DEPTOR: variants seen among roughly 807,000 people sequenced by gnomAD.
DEPTOR encodes the protein DEP domain-containing mTOR-interacting protein.
In DEPTOR, 41 loss-of-function variants were observed where a neutral mutation model predicts 41.6. The observed-to-expected ratio is 0.98, with a 90% confidence interval of 0.77 to 1.28. The LOEUF (loss-of-function observed/expected upper bound fraction) is 1.28. Among genes scored for constraint, DEPTOR ranks in the 50% most tolerant of loss-of-function variants. The pLI, the probability that DEPTOR is intolerant of heterozygous loss-of-function variation, is 0.00. For missense variants in DEPTOR, 514 were observed against 527.9 expected (o/e 0.97, Z 0.26); for synonymous variants, 195 against 192.3 (o/e 1.01, Z -0.12).
At chr8:120,034,024 A>C (rs145263769) in intron 8 of DEPTOR, among the ~76,000 whole-genome samples, 1 of 152,172 alleles carries the variant, frequency 6.6e-6, no homozygotes, top group South Asian at 2.1e-4. Context: ...CCGAGGTCAC[A>C]CTATTGCACT....
intron 4 of DEPTOR, among the ~76,000 whole-genome samples, chr8:119,970,722 G>C (rs970056098): frequency 3.3e-5 from 5 of 152,146 alleles, no homozygotes; most frequent in Non-Finnish European, 7.4e-5. Flanking sequence ...TCGTGGCTAA[G>C]ATTTATTACA....
At chr8:119,898,604 G>T in intron 1 of DEPTOR, among the ~76,000 whole-genome samples, 1 of 151,904 alleles carries the variant, frequency 6.6e-6, no homozygotes, top group East Asian at 1.9e-4. Flanking sequence ...TGTGCCTGTG[G>T]TCCCAGCTGC....
At chr8:120,002,789 A>AT (rs1200601284) in intron 5 of DEPTOR, among the ~76,000 whole-genome samples, 188 bp from the exon 6 acceptor site, 26 of 59,240 alleles carry the variant, frequency 4.4e-4, no homozygotes, top group African/African-American at 1.9e-3. Flanking sequence ...AAAAAAAAAA[A>AT]AAATATATAT....
rs79083639 is a variant in DEPTOR, at chr8:119,937,184, G to A, written c.425+7246G>A. Among the ~76,000 whole-genome samples, 47 of 152,188 alleles carry A rather than the reference G, an allele frequency of 3.1e-4. No individual in the cohort carries two copies. In the East Asian group the frequency reaches 6.8e-3, roughly 22 times the overall value. On this transcript the variant is annotated intron_variant, in intron 3 of 8. Coordinates refer to ENST00000286234, the MANE Select transcript of DEPTOR (RefSeq NM_022783.4). ...TGGGAGGCCGAGGCAGGCGGATCACGAGGTCAGGAATTCAAGACTAGCCTG... is the reference window on the plus strand; with the variant it reads ...TGGGAGGCCGAGGCAGGCGGATCACAAGGTCAGGAATTCAAGACTAGCCTG...
chr8:119,927,537 G>C (rs1165916327), intron 1 of DEPTOR, among the ~76,000 whole-genome samples: 1 of 149,758 alleles, frequency 6.7e-6, no homozygotes, highest in Non-Finnish European at 1.5e-5. Context: ...ATGATGGCAA[G>C]ATTGGCTAGT....
chr8:120,046,465 T>G (rs1458040692), intron 8 of DEPTOR, among the ~76,000 whole-genome samples: 1 of 152,098 alleles, frequency 6.6e-6, no homozygotes, highest in African/African-American at 2.4e-5. Flanking sequence ...CTATGGTCTA[T>G]TCTGACTGGC....
intron 1 of DEPTOR, among the ~76,000 whole-genome samples, chr8:119,878,474 C>T (rs917701048): frequency 4.6e-5 from 7 of 151,932 alleles, no homozygotes; most frequent in African/African-American, 1.7e-4. Context: ...TGCGTGCCAC[C>T]ACACCCAGTT....
Position 120,049,613 on chromosome 8 carries a change from TC to T in DEPTOR, c.1141del (p.Leu381CysfsTer3). On this transcript the variant is annotated frameshift_variant, in exon 9 of 9. Transcript: ENST00000286234. LOFTEE classifies it high-confidence loss of function. The stretch of plus-strand genomic sequence containing the variant: ...GTCGTCTCTGTCAACGGGCTCAATG[TC>T]CTGCATGTAGACTACCGGACCGTGA... ...QFVVSVNGLN[V>X]LHVDYRTVSN... is the part of the protein sequence containing the mutation. 6.2e-7 allele frequency: 1 copy of T among 1,613,952 alleles called. No homozygotes were observed. The highest frequency in any genetic ancestry group is 1.1e-5 in the South Asian group (1 of 91,048).
At chr8:119,921,144 T>C (rs921504390) in intron 1 of DEPTOR, among the ~76,000 whole-genome samples, 3 of 152,062 alleles carry the variant, frequency 2.0e-5, no homozygotes, top group Non-Finnish European at 4.4e-5. Flanking sequence ...ACCCAGCTAA[T>C]TTTTGTATTT....
intron 8 of DEPTOR, among the ~76,000 whole-genome samples, chr8:120,019,917 GC>G (rs758651381): frequency 6.6e-6 from 1 of 151,980 alleles, no homozygotes; most frequent in Non-Finnish European, 1.5e-5. Flanking sequence ...CTAAGTCACT[GC>G]CACACTGCTC....
At chr8:119,963,426 C>T (rs572408759) in intron 3 of DEPTOR, among the ~76,000 whole-genome samples, 1 of 152,178 alleles carries the variant, frequency 6.6e-6, no homozygotes, top group East Asian at 1.9e-4. Flanking sequence ...ACTCGGCTCA[C>T]TGCAACCTCT....
At chr8:119,887,664 T>C (rs921642088) in intron 1 of DEPTOR, among the ~76,000 whole-genome samples, 1 of 151,118 alleles carries the variant, frequency 6.6e-6, no homozygotes, top group South Asian at 2.1e-4. Flanking sequence ...CACGCCCAGC[T>C]AATTTTTTCA....
Position 119,956,623 on chromosome 8 carries a change from T to C in DEPTOR, c.426-8609T>C, listed in dbSNP as rs189990649. ...GAACCAGGGATAAAGGCCAGGAGTC[T>C]GTGTCTGTGTCTTAAATGGAGACTA... On this transcript the variant is annotated intron_variant, in intron 3 of 8. Coordinates refer to ENST00000286234, the MANE Select transcript of DEPTOR (RefSeq NM_022783.4). Among the ~76,000 whole-genome samples the C allele has an allele frequency of 1.7e-4, 25 of 151,152 alleles. No individual in the cohort carries two copies. The South Asian group carries it at 2.5e-3, about 15-fold the overall frequency.
intron 1 of DEPTOR, among the ~76,000 whole-genome samples, chr8:119,894,662 C>T (rs1348360736): frequency 6.6e-6 from 1 of 151,908 alleles, no homozygotes; most frequent in East Asian, 1.9e-4. Flanking sequence ...TCCCAAAGTG[C>T]TAAGATTACA....
intron 3 of DEPTOR, among the ~76,000 whole-genome samples, chr8:119,964,643 T>G (rs1486875749): frequency 1.3e-5 from 2 of 151,516 alleles, no homozygotes; most frequent in Non-Finnish European, 2.9e-5. Context: ...TTCAGAATGG[T>G]AGAATAGAAC....
intron 8 of DEPTOR, among the ~76,000 whole-genome samples, chr8:120,041,631 G>A (rs1287806017): frequency 2.0e-5 from 3 of 152,122 alleles, no homozygotes; most frequent in Admixed American, 6.6e-5. Flanking sequence ...TCTGCCTCTT[G>A]GGTTCAAGCA....
intron 4 of DEPTOR, among the ~76,000 whole-genome samples, chr8:119,989,771 C>G (rs1293835207): frequency 6.6e-6 from 1 of 152,138 alleles, no homozygotes; most frequent in Non-Finnish European, 1.5e-5. Context: ...TTATCAGATG[C>G]CTGAGTGGGT....
At chr8:120,025,258 C>A (rs1563595834) in intron 8 of DEPTOR, among the ~76,000 whole-genome samples, 1 of 152,176 alleles carries the variant, frequency 6.6e-6, no homozygotes, top group Non-Finnish European at 1.5e-5. Context: ...CATATTTGGA[C>A]ATTTCACTCA....
At chr8:119,935,486 C>T (rs1466012269) in intron 3 of DEPTOR, among the ~76,000 whole-genome samples, 4 of 151,988 alleles carry the variant, frequency 2.6e-5, no homozygotes, top group South Asian at 2.1e-4. Flanking sequence ...TTTGGGAGGC[C>T]GAGGCGGGCA....
Sources: allele counts gnomAD v4.1 joint callset (sites outside exome capture counted in the v4.1 genomes callset), GRCh38; gene constraint gnomAD v4.1.1; transcripts MANE v1.5; gene names NCBI Gene and HGNC (gene_info 2026-07-23, HGNC 2026-07-21).